Variants in PACRG observed in about 807,000 individuals in gnomAD.
PACRG encodes parkin coregulated, also known as parkin coregulated gene protein.
A neutral mutation model predicts 29.7 loss-of-function variants in PACRG; 29 were observed. The observed-to-expected ratio is 0.98, with a 90% CI of 0.73 to 1.33. PACRG has a LOEUF of 1.33. PACRG is among the 40% of genes most tolerant of loss of function. PACRG has a pLI of 0.00. For missense variants in PACRG, 279 were observed against 316.2 expected, an observed-to-expected ratio of 0.88 and a Z score of 0.89; for synonymous variants, 116 against 118.7, an observed-to-expected ratio of 0.98 and a Z score of 0.15.
intron 2 of PACRG, among the ~76,000 whole-genome samples, chr6:163,028,108 G>A (rs1260124328): frequency 1.3e-5 from 2 of 152,184 alleles, no homozygotes; most frequent in African/African-American, 4.8e-5. Context: ...GGCAGAGGTG[G>A]TTCATTTGGG....
At chr6:162,922,496 T>A (rs1023188682) in intron 2 of PACRG, among the ~76,000 whole-genome samples, 3 of 152,016 alleles carry the variant, frequency 2.0e-5, no homozygotes, top group Admixed American at 6.6e-5. Context: ...CACCCTGCAG[T>A]GCAGTGGAAC....
chr6:162,928,776 T>A (rs1470873690), intron 2 of PACRG, among the ~76,000 whole-genome samples: 1 of 151,910 alleles, frequency 6.6e-6, no homozygotes, highest in African/African-American at 2.4e-5. Context: ...TACTCCCCAC[T>A]CTTTCCAACC....
At chr6:163,249,677 A>C (rs569444034) in intron 4 of PACRG, among the ~76,000 whole-genome samples, 2 of 152,266 alleles carry the variant, frequency 1.3e-5, no homozygotes, top group African/African-American at 4.8e-5. Flanking sequence ...GGCCACGAAG[A>C]CTTAGCAACC....
intron 4 of PACRG, among the ~76,000 whole-genome samples, chr6:163,126,206 G>A (rs762952385): frequency 1.3e-5 from 2 of 152,158 alleles, no homozygotes; most frequent in East Asian, 1.9e-4. Context: ...GCCAAATGAC[G>A]CTTTCATTTA....
chr6:163,041,641 A>G (rs543103290), intron 2 of PACRG, among the ~76,000 whole-genome samples: 7 of 152,178 alleles, frequency 4.6e-5, no homozygotes, highest in Non-Finnish European at 1.0e-4. Context: ...CTCAAGTAGT[A>G]TTTTATAGCA....
rs142458805 is a variant in PACRG at position 163,249,862 on chromosome 6, C to A, written c.614-64965C>A. Among the ~76,000 whole-genome samples, 137 of 152,268 alleles carry A rather than the reference C, an allele frequency of 9.0e-4. No individual in the cohort carries two copies. In the East Asian group the frequency reaches 0.011, roughly 12 times the overall value. On this transcript the variant is annotated intron_variant, in intron 4 of 4. Transcript: ENST00000366888. The stretch of plus-strand genomic sequence containing the variant: ...AATTGGAGTGTCTTTTATGCCAAAC[C>A]AACATGGATGCTCCTTTGTTCTCAA...
intron 4 of PACRG, among the ~76,000 whole-genome samples, chr6:163,208,291 T>A (rs1392306805): frequency 6.6e-6 from 1 of 152,216 alleles, no homozygotes; most frequent in Non-Finnish European, 1.5e-5. Flanking sequence ...CTTTTTTCTC[T>A]TCTTTTCTTG....
chr6:163,228,508 A>G (rs1781899009), intron 4 of PACRG, among the ~76,000 whole-genome samples: 1 of 151,830 alleles, frequency 6.6e-6, no homozygotes, highest in Admixed American at 6.6e-5. Flanking sequence ...CGGTCAGTTT[A>G]TGACAAATAG....
intron 4 of PACRG, among the ~76,000 whole-genome samples, chr6:163,296,064 G>A (rs1784768882): frequency 6.6e-6 from 1 of 152,136 alleles, no homozygotes; most frequent in Admixed American, 6.5e-5. Context: ...AGCCCCTGGG[G>A]GGTGTTAGGA....
chr6:162,996,701 A>G (rs1348514815), intron 2 of PACRG, among the ~76,000 whole-genome samples: 12 of 152,194 alleles, frequency 7.9e-5, no homozygotes, highest in Admixed American at 6.5e-4. Flanking sequence ...ACAATATTAT[A>G]TAAATAAGTC....
intron 4 of PACRG, among the ~76,000 whole-genome samples, chr6:163,212,354 T>G (rs921676973): frequency 6.6e-6 from 1 of 152,144 alleles, no homozygotes; most frequent in African/African-American, 2.4e-5. Context: ...AGTGAGCACA[T>G]CTGGTACCTG....
intron 4 of PACRG, among the ~76,000 whole-genome samples, chr6:163,115,682 G>A (rs1815953088): frequency 6.6e-6 from 1 of 152,156 alleles, no homozygotes; most frequent in African/African-American, 2.4e-5. Flanking sequence ...AAGTCAGCAT[G>A]CATCTACTGT....
intron 2 of PACRG, among the ~76,000 whole-genome samples, chr6:163,041,922 A>G (rs1222719922): frequency 2.0e-5 from 3 of 152,046 alleles, no homozygotes; most frequent in Non-Finnish European, 2.9e-5. Context: ...CTGGAGTGCA[A>G]TGGCATGATC....
At chr6:163,027,710 A>C (rs190163175) in intron 2 of PACRG, among the ~76,000 whole-genome samples, 1 of 152,314 alleles carries the variant, frequency 6.6e-6, no homozygotes, top group East Asian at 1.9e-4. Context: ...GCAATACAGA[A>C]GCACTTCTAT....
chr6:163,095,398 G>C, intron 4 of PACRG: 1 of 985,416 alleles, frequency 1.0e-6, no homozygotes, highest in Non-Finnish European at 1.2e-6. Context: ...CTGGTAGGGC[G>C]ATGTCTAAAG....
At chr6:163,067,451 A>G (rs1055523767) in intron 3 of PACRG, among the ~76,000 whole-genome samples, 1 of 152,238 alleles carries the variant, frequency 6.6e-6, no homozygotes, top group Non-Finnish European at 1.5e-5. Flanking sequence ...ATGATTAGAG[A>G]AACACAACTT....
chr6:163,050,530 C>T (rs1357210978), intron 2 of PACRG, among the ~76,000 whole-genome samples: 3 of 152,074 alleles, frequency 2.0e-5, no homozygotes, highest in African/African-American at 4.8e-5. Flanking sequence ...ATCTCTTTGT[C>T]CTGTGTTCAA....
At chr6:163,054,369 G>T (rs572624711) in intron 2 of PACRG, among the ~76,000 whole-genome samples, 2 of 152,162 alleles carry the variant, frequency 1.3e-5, no homozygotes, top group Non-Finnish European at 2.9e-5. Flanking sequence ...GCCAGGAAGC[G>T]ATCTCTCCCT....
chr6:162,884,210 G>A (rs1292742868), intron 2 of PACRG, among the ~76,000 whole-genome samples: 3 of 152,110 alleles, frequency 2.0e-5, no homozygotes, highest in Non-Finnish European at 4.4e-5. Context: ...AAAGTGCTGG[G>A]ATGACAGGAG....
Sources: allele counts gnomAD v4.1 joint callset (sites outside exome capture counted in the v4.1 genomes callset), GRCh38; gene constraint gnomAD v4.1.1; transcripts MANE v1.5; gene names NCBI Gene and HGNC (gene_info 2026-07-23, HGNC 2026-07-21).